CPS1: variants seen among roughly 807,000 people sequenced by gnomAD.
CPS1 encodes the protein carbamoyl-phosphate synthase [ammonia], mitochondrial.
Under a neutral mutation model 174.6 loss-of-function variants are expected in CPS1, and 109 were observed. The ratio of observed to expected loss-of-function variants is 0.62; its 90% CI spans 0.53 to 0.73. CPS1 has a LOEUF of 0.73. Among genes scored for constraint, CPS1 ranks in the 30% least tolerant of loss-of-function variants. The probability of loss-of-function intolerance (pLI) is 0.00; values close to 1 mark genes in which losing one functional copy is unlikely to be tolerated. For missense variants in CPS1, 1,689 were observed against 1,821.9 expected (o/e 0.93, Z 1.33); for synonymous variants, 637 against 632.0 (o/e 1.01, Z -0.12).
At chr2:210,669,456 A>G (rs949352767) in intron 34 of CPS1, among the ~76,000 whole-genome samples, 5 of 152,148 alleles carry the variant, frequency 3.3e-5, no homozygotes, top group African/African-American at 1.2e-4. Flanking sequence ...ATCAATAAAA[A>G]TATAATTAGA....
chr2:210,511,506 C>T (rs185766050), intron 1 of CPS1, among the ~76,000 whole-genome samples: 259 of 149,620 alleles, frequency 1.7e-3, no homozygotes, highest in Non-Finnish European at 3.1e-3. Flanking sequence ...ACATTGTGCA[C>T]ATGTACCCTC....
intron 21 of CPS1, among the ~76,000 whole-genome samples, chr2:210,620,390 G>A (rs1699470186): frequency 6.6e-6 from 1 of 152,068 alleles, no homozygotes; most frequent in Non-Finnish European, 1.5e-5. Flanking sequence ...CATGTTTCAT[G>A]TTCATGATTA....
chr2:210,646,399 T>C (rs1490252791), intron 25 of CPS1, among the ~76,000 whole-genome samples: 1 of 152,222 alleles, frequency 6.6e-6, no homozygotes, highest in East Asian at 1.9e-4. Flanking sequence ...TTTTCAGTAC[T>C]GTTTACAATG....
chr2:210,578,600 A>G (rs563313475), intron 4 of CPS1, among the ~76,000 whole-genome samples: 1 of 152,240 alleles, frequency 6.6e-6, no homozygotes, highest in South Asian at 2.1e-4. Context: ...ATGAGTGTCT[A>G]TCTATGGGGG....
At chr2:210,634,225 T>A (rs1229399039) in intron 21 of CPS1, among the ~76,000 whole-genome samples, 1 of 152,106 alleles carries the variant, frequency 6.6e-6, no homozygotes, top group African/African-American at 2.4e-5. Flanking sequence ...GGTCAGGAGA[T>A]CAAGACCATC....
At chr2:210,530,189 T>C (rs1696081384) in intron 1 of CPS1, among the ~76,000 whole-genome samples, 1 of 152,086 alleles carries the variant, frequency 6.6e-6, no homozygotes, top group Non-Finnish European at 1.5e-5. Flanking sequence ...AAAATCCATG[T>C]ACAAATGGCT....
intron 6 of CPS1, 91 bp downstream of exon 6, chr2:210,582,800 C>A (rs1448569339): frequency 1.2e-5 from 12 of 995,500 alleles, no homozygotes; most frequent in Non-Finnish European, 1.9e-5. Flanking sequence ...CAGAGTTTAT[C>A]TTCCAGAAGC....
intron 1 of CPS1, among the ~76,000 whole-genome samples, chr2:210,571,123 G>A (rs1022542226): frequency 4.6e-5 from 7 of 151,730 alleles, no homozygotes; most frequent in African/African-American, 1.7e-4. Flanking sequence ...ATAGAAGTCT[G>A]GTTTCACTCA....
At chr2:210,512,704 T>C (rs986421805) in intron 1 of CPS1, among the ~76,000 whole-genome samples, 4 of 140,400 alleles carry the variant, frequency 2.8e-5, no homozygotes, top group African/African-American at 7.9e-5. Flanking sequence ...CAATTTATTT[T>C]CTTTTGGATA....
At chr2:210,490,312 G>C (rs780076010) in intron 1 of CPS1, among the ~76,000 whole-genome samples, 35 of 150,946 alleles carry the variant, frequency 2.3e-4, no homozygotes, top group Non-Finnish European at 3.8e-4. Context: ...GACTGTAATT[G>C]TGCACAATCC....
At chr2:210,557,848 T>C (rs1696966611) in intron 1 of CPS1, among the ~76,000 whole-genome samples, 1 of 152,064 alleles carries the variant, frequency 6.6e-6, no homozygotes, top group South Asian at 2.1e-4. Context: ...ACTAAGCTTC[T>C]ATTGTTTCAG....
chr2:210,615,328 A>G (rs1025827204), intron 20 of CPS1, among the ~76,000 whole-genome samples: 3 of 151,994 alleles, frequency 2.0e-5, no homozygotes, highest in African/African-American at 7.2e-5. Context: ...TAGGAAATGA[A>G]CATGGCTTTG....
chr2:210,506,146 A>T (rs959322974), intron 1 of CPS1, among the ~76,000 whole-genome samples: 1 of 152,160 alleles, frequency 6.6e-6, no homozygotes, highest in Non-Finnish European at 1.5e-5. Context: ...GTAGGGGCAG[A>T]CTGACACCTC....
At chr2:210,661,766 A>AT (rs1437165586) in intron 32 of CPS1, among the ~76,000 whole-genome samples, 2 of 151,740 alleles carry the variant, frequency 1.3e-5, no homozygotes, top group South Asian at 2.1e-4. Flanking sequence ...ACTGAAAAAT[A>AT]TTTTTTTCCA....
chr2:210,567,446 A>G (rs1393886775), intron 1 of CPS1, among the ~76,000 whole-genome samples: 1 of 152,154 alleles, frequency 6.6e-6, no homozygotes, highest in African/African-American at 2.4e-5. Context: ...GCATGAGACC[A>G]CATCAGTGAA....
chr2:210,639,605 C>T (rs1183621788), intron 23 of CPS1, among the ~76,000 whole-genome samples: 17 of 111,234 alleles, frequency 1.5e-4, no homozygotes, highest in African/African-American at 5.2e-4. Flanking sequence ...GGCGACAGAG[C>T]GAGACTCCGT....
At chr2:210,542,878 C>T (rs1464309030) in intron 1 of CPS1, among the ~76,000 whole-genome samples, 1 of 152,120 alleles carries the variant, frequency 6.6e-6, no homozygotes, top group African/African-American at 2.4e-5. Flanking sequence ...CTACCTCCAT[C>T]ACTTGAGTAA....
intron 1 of CPS1, 68 bp from the exon 2 acceptor site, chr2:210,573,230 A>G (rs1485842800): frequency 5.3e-6 from 7 of 1,324,114 alleles, no homozygotes; most frequent in African/African-American, 1.4e-5. Context: ...TGTGTATTTT[A>G]CCTTTGGAAT....
At chr2:210,639,448 T>A (rs1700141849) in intron 23 of CPS1, among the ~76,000 whole-genome samples, 2 of 150,300 alleles carry the variant, frequency 1.3e-5, no homozygotes, top group Non-Finnish European at 3.0e-5. Context: ...CCGTCTCTAC[T>A]AAAAATACAA....
Sources: gnomAD v4.1 joint callset for allele counts (sites outside exome capture counted in the v4.1 genomes callset) on GRCh38, gnomAD v4.1.1 for gene constraint, MANE v1.5 for transcripts, NCBI Gene and HGNC (gene_info 2026-07-23, HGNC 2026-07-21) for gene names.